Variants in ALPK1 observed in about 807,000 individuals in gnomAD.
The protein encoded by ALPK1 is alpha-protein kinase 1.
Under a neutral mutation model 120.6 loss-of-function variants are expected in ALPK1, and 110 were observed. The observed-to-expected ratio is 0.91, with a 90% CI of 0.78 to 1.07. The LOEUF is 1.07. Ranked by LOEUF, ALPK1 falls within the 50% of genes least tolerant of loss-of-function variation. The probability of loss-of-function intolerance (pLI) is 0.00; values close to 1 mark genes in which losing one functional copy is unlikely to be tolerated. For synonymous variants in ALPK1, 582 were observed against 560.3 expected (o/e 1.04, Z -0.55); for missense variants, 1,498 against 1,483.9 (o/e 1.01, Z -0.16).
At chr4:112,370,535 G>A (rs546763372) in intron 2 of ALPK1, among the ~76,000 whole-genome samples, 1 of 152,192 alleles carries the variant, frequency 6.6e-6, no homozygotes, top group African/African-American at 2.4e-5. Flanking sequence ...CAGTTCAGGG[G>A]AGGAAAAACT....
intron 2 of ALPK1, among the ~76,000 whole-genome samples, chr4:112,360,688 T>C (rs927180022): frequency 1.3e-5 from 2 of 152,234 alleles, no homozygotes; most frequent in African/African-American, 2.4e-5. Flanking sequence ...GTACATACTT[T>C]AGAAATTTGT....
chr4:112,333,921 T>C (rs1729499751), intron 2 of ALPK1, among the ~76,000 whole-genome samples: 1 of 151,790 alleles, frequency 6.6e-6, no homozygotes, highest in Non-Finnish European at 1.5e-5. Flanking sequence ...GTTTGTTTGG[T>C]TTTGTTTTTT....
Position 112,441,067 on chromosome 4 carries a change from A to G in ALPK1, c.3689A>G (p.His1230Arg), listed in dbSNP as rs762392813. 1.2e-6 allele frequency: 2 copies of G among 1,613,934 alleles called. No individual in the cohort carries two copies. Among genetic ancestry groups the G allele is most frequent in the Non-Finnish European group, 1.7e-6 (2 of 1,179,834 alleles). The change falls in exon 15 of 16, where the codon CAT (histidine) becomes CGT (arginine). Residue 1230 changes from histidine (H) to arginine (R), a missense_variant. Coordinates refer to ENST00000650871, the MANE Select transcript of ALPK1 (RefSeq NM_025144.4). The stretch of plus-strand genomic sequence containing the variant: ...CATGTGGAATGTAATGAAATCTGCC[A>G]TCGTCTTTCTTTGACTAGACCTTCA... The part of the protein sequence containing the change: ...NQHVECNEIC[H>R]RLSLTRPSME...
intron 2 of ALPK1, among the ~76,000 whole-genome samples, chr4:112,371,232 C>T (rs960165638): frequency 6.6e-6 from 1 of 152,152 alleles, no homozygotes; most frequent in Non-Finnish European, 1.5e-5. Flanking sequence ...AGTTACCTCC[C>T]GGCAAACCCC....
intron 3 of ALPK1, 41 bp from the exon 4 acceptor site, chr4:112,382,357 C>G (rs755300850): frequency 3.7e-6 from 5 of 1,339,020 alleles, no homozygotes; most frequent in Non-Finnish European, 4.9e-6. Context: ...ACAGCCTTTT[C>G]TTTGACTGCA....
chr4:112,378,004 A>AC, intron 3 of ALPK1, 106 bp downstream of exon 3: 1 of 1,190,204 alleles, frequency 8.4e-7, no homozygotes, highest in Non-Finnish European at 1.1e-6. Context: ...TTCTCTTGGC[A>AC]GATGACCACC....
At chr4:112,357,281 A>C in intron 2 of ALPK1, 1 of 1,159,998 alleles carries the variant, frequency 8.6e-7, no homozygotes, top group African/African-American at 1.5e-5. Flanking sequence ...GGTGTTCGCC[A>C]ACACAGCCGG....
intron 2 of ALPK1, among the ~76,000 whole-genome samples, chr4:112,369,027 AC>A (rs898286412): frequency 4.8e-5 from 2 of 41,384 alleles, no homozygotes; most frequent in African/African-American, 1.8e-4. Flanking sequence ...TTCAGCCTTT[AC>A]TTCTTTTTTT....
At chr4:112,310,154 A>C (rs1274628067) in intron 1 of ALPK1, among the ~76,000 whole-genome samples, 1 of 152,076 alleles carries the variant, frequency 6.6e-6, no homozygotes, top group Non-Finnish European at 1.5e-5. Flanking sequence ...TTTTTCTTTG[A>C]ATGAGACTTA....
intron 2 of ALPK1, among the ~76,000 whole-genome samples, chr4:112,347,452 G>A (rs767837810): frequency 2.0e-5 from 3 of 152,100 alleles, no homozygotes; most frequent in Non-Finnish European, 4.4e-5. Flanking sequence ...AATTTTCTTT[G>A]TCAAGATCTA....
intron 1 of ALPK1, among the ~76,000 whole-genome samples, chr4:112,309,066 ATTGCTGAACAGCAAATG>A (rs1560630662): frequency 1.3e-5 from 2 of 152,206 alleles, no homozygotes; most frequent in East Asian, 1.9e-4. Flanking sequence ...AACAGCAAAT[ATTGCTGAACAGCAAATG>A]TTGCTGCCTG....
At chr4:112,396,519 A>G (rs1277008082) in intron 4 of ALPK1, among the ~76,000 whole-genome samples, 1 of 152,234 alleles carries the variant, frequency 6.6e-6, no homozygotes, top group African/African-American at 2.4e-5. Flanking sequence ...ACCATCCAAC[A>G]TAACAGAGTA....
intron 4 of ALPK1, among the ~76,000 whole-genome samples, chr4:112,405,468 G>A (rs1411350188): frequency 6.6e-6 from 1 of 151,998 alleles, no homozygotes; most frequent in Non-Finnish European, 1.5e-5. Flanking sequence ...ATTTGTCCCT[G>A]TTTTTCTTTT....
chr4:112,377,180 T>G (rs1177799365), intron 2 of ALPK1, among the ~76,000 whole-genome samples: 2 of 152,208 alleles, frequency 1.3e-5, no homozygotes, highest in African/African-American at 2.4e-5. Context: ...AGCTTTAAAT[T>G]TGGCATTTGT....
rs779806070 is a variant in ALPK1 at position 112,430,744 on chromosome 4, G to A, written c.1197G>A (p.Gln399=). The stretch of plus-strand genomic sequence containing the variant: ...ATTTCAGCACTTCCTCCAGAAGTCA[G>A]GACAGAGAAGCTCTGTCTCAAGAAG... The part of the protein sequence containing the change: ...LYNFSTSSRS[Q]DREALSQEVM... The change falls in exon 11 of 16, where the codon CAG becomes CAA. Residue 399 remains glutamine, a synonymous_variant. Transcript: ENST00000650871. 6.2e-6 allele frequency: 10 copies of A among 1,614,090 alleles called. No individual in the cohort carries two copies. Among genetic ancestry groups the A allele is most frequent in the Non-Finnish European group, 7.6e-6 (9 of 1,180,040 alleles).
intron 4 of ALPK1, among the ~76,000 whole-genome samples, chr4:112,396,660 C>T (rs1327077722): frequency 1.3e-5 from 2 of 152,188 alleles, no homozygotes; most frequent in African/African-American, 2.4e-5. Context: ...CACAATCTCA[C>T]CCTCAATCCA....
At chr4:112,345,729 G>A (rs551822083) in intron 2 of ALPK1, among the ~76,000 whole-genome samples, 1 of 152,236 alleles carries the variant, frequency 6.6e-6, no homozygotes, top group African/African-American at 2.4e-5. Context: ...CTCTTATGTA[G>A]CTTCAACATT....
At chr4:112,334,408 G>A (rs1185257362) in intron 2 of ALPK1, among the ~76,000 whole-genome samples, 1 of 150,586 alleles carries the variant, frequency 6.6e-6, no homozygotes, top group South Asian at 2.1e-4. Context: ...ACTCCAGCCT[G>A]GGTGACAGAG....
chr4:112,310,091 C>T (rs1301680189), intron 1 of ALPK1, among the ~76,000 whole-genome samples: 1 of 152,094 alleles, frequency 6.6e-6, no homozygotes, highest in Non-Finnish European at 1.5e-5. Flanking sequence ...GTGGACAATA[C>T]AGATTTGCTA....
Sources: gnomAD v4.1 joint callset for allele counts (sites outside exome capture counted in the v4.1 genomes callset) on GRCh38, gnomAD v4.1.1 for gene constraint, MANE v1.5 for transcripts, NCBI Gene and HGNC (gene_info 2026-07-23, HGNC 2026-07-21) for gene names.